Variants in CATSPERT observed in about 807,000 individuals in gnomAD.
CATSPERT encodes the protein catsper channel auxiliary subunit tau.
the CATSPERT span, among the ~76,000 whole-genome samples, chr2:201,591,075 T>A: frequency 6.6e-6 from 1 of 152,236 alleles, no homozygotes; most frequent in Admixed American, 6.5e-5. Flanking sequence ...ATGTCCTGAA[T>A]GGTAATGCCT....
chr2:201,500,771 G>A, the CATSPERT span, among the ~76,000 whole-genome samples: 3 of 151,970 alleles, frequency 2.0e-5, no homozygotes, highest in Non-Finnish European at 4.4e-5. Context: ...CTAAGTTTTT[G>A]TTACTCATGC....
At chr2:201,568,822 G>C in the CATSPERT span, among the ~76,000 whole-genome samples, 1 of 152,154 alleles carries the variant, frequency 6.6e-6, no homozygotes, top group Non-Finnish European at 1.5e-5. Flanking sequence ...TCATTCCACA[G>C]ATCAGGAAAG....
At chr2:201,493,614 A>G in the CATSPERT span, 3 of 1,537,224 alleles carry the variant, frequency 2.0e-6, no homozygotes, top group Non-Finnish European at 2.6e-6. Context: ...TTTCTTCATG[A>G]AATAGAATAT....
chr2:201,489,787 C>A, the CATSPERT span, among the ~76,000 whole-genome samples: 8 of 151,978 alleles, frequency 5.3e-5, no homozygotes, highest in Admixed American at 4.6e-4. Context: ...ATTAAAAATC[C>A]CTTCCATTCC....
At chr2:201,510,403 C>T in the CATSPERT span, among the ~76,000 whole-genome samples, 1 of 152,094 alleles carries the variant, frequency 6.6e-6, no homozygotes, top group East Asian at 1.9e-4. Context: ...AAGGTTGCAC[C>T]ACTGCACTCC....
the CATSPERT span, among the ~76,000 whole-genome samples, chr2:201,578,144 A>G: frequency 6.6e-6 from 1 of 152,190 alleles, no homozygotes; most frequent in Admixed American, 6.5e-5. Context: ...TAATATTTCT[A>G]TAATCATACA....
chr2:201,563,152 C>G, the CATSPERT span, among the ~76,000 whole-genome samples: 1 of 57,314 alleles, frequency 1.7e-5, no homozygotes, highest in Admixed American at 2.3e-4. Flanking sequence ...GGGCTGACCC[C>G]CCACCTCCCT....
chr2:201,535,686 G>T, the CATSPERT span: 1 of 1,223,138 alleles, frequency 8.2e-7, no homozygotes, highest in Non-Finnish European at 1.0e-6. Flanking sequence ...TTTCTTGATT[G>T]ATATAAGTAA....
chr2:201,584,812 T>G, the CATSPERT span, among the ~76,000 whole-genome samples: 2 of 151,276 alleles, frequency 1.3e-5, no homozygotes, highest in Admixed American at 1.3e-4. Flanking sequence ...AAGAAAGAAA[T>G]ATTAGCTAAT....
At chr2:201,588,367 G>A in the CATSPERT span, among the ~76,000 whole-genome samples, 6 of 151,568 alleles carry the variant, frequency 4.0e-5, no homozygotes, top group South Asian at 8.4e-4. Flanking sequence ...GTGATCAATC[G>A]CATAAACAGA....
the CATSPERT span, among the ~76,000 whole-genome samples, chr2:201,611,779 G>C: frequency 6.6e-6 from 1 of 151,886 alleles, no homozygotes; most frequent in African/African-American, 2.4e-5. Context: ...AACAATTAAA[G>C]GATTTTTGAA....
the CATSPERT span, chr2:201,601,685 A>C: frequency 9.4e-6 from 14 of 1,494,484 alleles, no homozygotes; most frequent in South Asian, 1.2e-4. Flanking sequence ...TTAGGGTAGA[A>C]TATTTGGAAC....
the CATSPERT span, among the ~76,000 whole-genome samples, chr2:201,515,178 T>A: frequency 7.0e-6 from 1 of 142,616 alleles, no homozygotes; most frequent in African/African-American, 2.5e-5. Flanking sequence ...GCCAAAGGAA[T>A]TGAGTGTTGT....
chr2:201,545,288 C>T, the CATSPERT span, among the ~76,000 whole-genome samples: 5 of 151,984 alleles, frequency 3.3e-5, no homozygotes, highest in Admixed American at 1.3e-4. Flanking sequence ...CCACCCGCCT[C>T]GGCCTCCCAA....
At chr2:201,547,429 C>T in the CATSPERT span, 1 of 839,688 alleles carries the variant, frequency 1.2e-6, no homozygotes, top group East Asian at 3.0e-5. Context: ...TTGATCATCA[C>T]TTTTAATTAT....
At chr2:201,617,198 G>T in the CATSPERT span, among the ~76,000 whole-genome samples, 1 of 152,082 alleles carries the variant, frequency 6.6e-6, no homozygotes, top group Admixed American at 6.5e-5. Flanking sequence ...CACAGAATTG[G>T]AAAAAATACT....
At chr2:201,574,108 ATTTAT>A in the CATSPERT span, 1 of 799,058 alleles carries the variant, frequency 1.3e-6, no homozygotes, top group Non-Finnish European at 1.8e-6. Flanking sequence ...TTTTAAAAAT[ATTTAT>A]TTTAAACAAT....
At chr2:201,513,242 C>CA in the CATSPERT span, among the ~76,000 whole-genome samples, 1 of 151,738 alleles carries the variant, frequency 6.6e-6, no homozygotes, top group Non-Finnish European at 1.5e-5. Context: ...ATTGAACAAA[C>CA]AAAAAACAAT....
chr2:201,491,429 T>G, the CATSPERT span: 1 of 1,537,210 alleles, frequency 6.5e-7, no homozygotes, highest in Non-Finnish European at 8.7e-7. Flanking sequence ...TCAGGGAACT[T>G]GGCACATTTT....
Sources: gnomAD v4.1 joint callset for allele counts (sites outside exome capture counted in the v4.1 genomes callset) on GRCh38, gnomAD v4.1.1 for gene constraint, MANE v1.5 for transcripts, NCBI Gene and HGNC (gene_info 2026-07-23, HGNC 2026-07-21) for gene names.